Variants in INTS9 observed in about 807,000 individuals in gnomAD.
INTS9 encodes integrator complex subunit 9, also known as protein related to CPSF subunits of 74 kDa.
In INTS9, 55 loss-of-function variants were observed where a neutral mutation model predicts 79.7. The ratio of observed to expected loss-of-function variants is 0.69; its 90% CI spans 0.56 to 0.86. The LOEUF (loss-of-function observed/expected upper bound fraction) is 0.86. Among genes scored for constraint, INTS9 ranks in the 40% least tolerant of loss-of-function variants. The pLI is 0.00. For missense variants in INTS9, 721 were observed against 831.5 expected (o/e 0.87, Z 1.64); for synonymous variants, 319 against 325.2 (o/e 0.98, Z 0.20).
At chr8:28,811,949 G>A (rs1368966460) in intron 8 of INTS9, among the ~76,000 whole-genome samples, 1 of 152,198 alleles carries the variant, frequency 6.6e-6, no homozygotes, top group African/African-American at 2.4e-5. Context: ...ACGGGCACAT[G>A]CTTTGCCCGT....
In INTS9 at chr8:28,830,522, G is replaced by A. The variant is rs907844561; in HGVS notation, c.488+4770C>T. ...ATCTCTAGTCCCAGCTACTCAGCAG[G>A]TTGATACGGGAGAATCGCTTGAACC... On this transcript the variant is annotated intron_variant, in intron 6 of 16. Transcript: ENST00000521022. 4.6e-5 allele frequency among the ~76,000 whole-genome samples: 7 copies of A among 151,852 alleles called. No individual in the cohort carries two copies. The East Asian group carries it at 1.4e-3, about 29-fold the overall frequency.
At chr8:28,871,938 A>C (rs1809118211) in intron 1 of INTS9, among the ~76,000 whole-genome samples, 1 of 152,258 alleles carries the variant, frequency 6.6e-6, no homozygotes, top group Non-Finnish European at 1.5e-5. Context: ...CAAAAAGCAC[A>C]GTCAATTCAT....
chr8:28,876,111 A>T (rs1809372023), intron 1 of INTS9, among the ~76,000 whole-genome samples: 1 of 152,168 alleles, frequency 6.6e-6, no homozygotes, highest in African/African-American at 2.4e-5. Flanking sequence ...TTATTTTAAC[A>T]GATTGATTGT....
chr8:28,787,117 T>C lies in INTS9; in HGVS notation c.1098+712A>G, dbSNP rs150260823. Among the ~76,000 whole-genome samples, 8 of 152,314 alleles carry C rather than the reference T, an allele frequency of 5.3e-5. No individual in the cohort carries two copies. The East Asian group carries it at 1.2e-3, about 22-fold the overall frequency. ...TAACTATTGTCTGTTAGCTTCATTG[T>C]AGTAGAGCAATAATAACATGAGACG... is the stretch of plus-strand genomic sequence containing the variant. On this transcript the variant is annotated intron_variant, in intron 11 of 16. Transcript: ENST00000521022.
intron 6 of INTS9, among the ~76,000 whole-genome samples, chr8:28,820,629 G>A (rs560297126): frequency 6.6e-6 from 1 of 152,080 alleles, no homozygotes; most frequent in Non-Finnish European, 1.5e-5. Flanking sequence ...TGCTCTTCTC[G>A]AGGAGTAGCT....
In INTS9 at chr8:28,777,890, T is replaced by C. The variant is rs1249756992; in HGVS notation, c.1334A>G (p.Tyr445Cys). The change falls in exon 13 of 17, where the codon TAC (tyrosine) becomes TGC (cysteine). Residue 445 changes from tyrosine (Y) to cysteine (C), a missense_variant. Physicochemically the swap from Tyr to Cys is radical, Grantham distance 194. Coordinates refer to ENST00000521022, the MANE Select transcript of INTS9 (RefSeq NM_018250.4). ...PYQPLAMKCI[Y>C]CPIDTRLNFI... Reference sequence around the variant, plus strand: ...GTTCAGCCGGGTGTCGATGGGGCAGTAGATGCATTTCATGGCCAGCGGCTG... The same window carrying C: ...GTTCAGCCGGGTGTCGATGGGGCAGCAGATGCATTTCATGGCCAGCGGCTG... 1.2e-6 allele frequency: 2 copies of C among 1,612,700 alleles called. No individual in the cohort carries two copies. The highest frequency in any genetic ancestry group is 1.7e-6 in the Non-Finnish European group (2 of 1,179,384).
chr8:28,788,306 A>G (rs241186), intron 10 of INTS9, among the ~76,000 whole-genome samples: 80,427 of 151,998 alleles, frequency 0.53, 23,245 homozygotes, highest in Non-Finnish European at 0.66. Flanking sequence ...AGTTTTTCCA[A>G]TCATGTCCCT....
intron 10 of INTS9, among the ~76,000 whole-genome samples, chr8:28,792,723 A>G (rs2130949376): frequency 1.3e-5 from 2 of 152,178 alleles, no homozygotes; most frequent in Admixed American, 6.5e-5. Context: ...AGACCAGCTG[A>G]CCAGCATGGT....
chr8:28,816,795 C>G (rs1379064292), intron 6 of INTS9, among the ~76,000 whole-genome samples: 4 of 150,520 alleles, frequency 2.7e-5, no homozygotes, highest in African/African-American at 7.3e-5. Context: ...TCCTATTTCT[C>G]CACATCCTCT....
chr8:28,773,574 C>T (rs1186527451), intron 14 of INTS9, among the ~76,000 whole-genome samples: 3 of 146,398 alleles, frequency 2.0e-5, no homozygotes, highest in African/African-American at 5.1e-5. Context: ...TTTCTTGAGA[C>T]GGAGTCTCGC....
chr8:28,793,138 T>C (rs1438585414), intron 10 of INTS9, among the ~76,000 whole-genome samples: 2 of 152,178 alleles, frequency 1.3e-5, no homozygotes, highest in African/African-American at 4.8e-5. Flanking sequence ...GGCTACCTCA[T>C]GACTAAAAGG....
chr8:28,866,846 G>A (rs1327696816), intron 1 of INTS9, among the ~76,000 whole-genome samples: 4 of 152,110 alleles, frequency 2.6e-5, no homozygotes, highest in Non-Finnish European at 5.9e-5. Context: ...ATGGTGGCGG[G>A]AGCCTGTAGT....
chr8:28,798,628 A>G (rs1200432825), intron 8 of INTS9: 2 of 152,132 alleles, frequency 1.3e-5, no homozygotes, highest in Admixed American at 6.6e-5. Context: ...CCTCCTGAGT[A>G]GCTGGGATTA....
intron 3 of INTS9, among the ~76,000 whole-genome samples, chr8:28,848,502 C>G (rs544340864): frequency 6.6e-6 from 1 of 152,136 alleles, no homozygotes; most frequent in African/African-American, 2.4e-5. Flanking sequence ...ATTTAACTAG[C>G]GACAGGTGGA....
At position 28,773,395 on chromosome 8, in the gene INTS9, C is replaced by A. The variant is rs191080424; in HGVS notation, c.1564-2315G>T. Among the ~76,000 whole-genome samples the A allele has an allele frequency of 5.7e-3, 817 of 142,610 alleles. 7 individuals are homozygous for A. The highest frequency in any genetic ancestry group is 0.021 in the African/African-American group (789 of 38,054). The allele number at this position is 142,610 out of a possible 152,430, so 93.6% of individuals were successfully genotyped here. A position where few individuals can be genotyped will look rare whatever the true frequency, so the allele number is the denominator to read the frequency against. ...AGGAGAATGGCATGAAGCTGGGAGG[C>A]GGAGCTTGCAGTGAGCCAAGATCGC... On this transcript the variant is annotated intron_variant, in intron 14 of 16. Transcript: ENST00000521022.
rs1805201160 is a variant in INTS9 at position 28,812,395 on chromosome 8, T to C, written c.676A>G (p.Ile226Val). The stretch of plus-strand genomic sequence containing the variant: ...ACTTTCTCGTAATGAGACTGGATGA[T>C]CCAGTTGGAGCTCCCAAGGGCATAG... ...SGYALGSSNW[I>V]IQSHYEKVSY... Residue 226 changes from isoleucine to valine, a missense_variant, in exon 8 of 17, where the codon ATC becomes GTC. Physicochemically the swap from Ile to Val is conservative, Grantham distance 29. Around this residue, in one of 3 missense-constraint regions of INTS9, gnomAD observed 291 missense variants for 307.0 expected, o/e 0.95. Transcript: ENST00000521022. 2 of 1,613,906 alleles carry C rather than the reference T, an allele frequency of 1.2e-6. No homozygotes were observed. Among genetic ancestry groups the C allele is most frequent in the Non-Finnish European group, 1.7e-6 (2 of 1,179,946 alleles).
chr8:28,779,767 G>C (rs753718660), intron 12 of INTS9, among the ~76,000 whole-genome samples: 3 of 152,172 alleles, frequency 2.0e-5, no homozygotes, highest in Admixed American at 2.0e-4. Context: ...AACTTGGTTT[G>C]ACCACAGGCG....
chr8:28,883,215 C>T (rs1366466847), intron 1 of INTS9, among the ~76,000 whole-genome samples: 1 of 152,232 alleles, frequency 6.6e-6, no homozygotes, highest in Non-Finnish European at 1.5e-5. Context: ...CATCTTAATT[C>T]CTACATCTAT....
At chr8:28,874,515 G>C (rs772475896) in intron 1 of INTS9, among the ~76,000 whole-genome samples, 7 of 151,756 alleles carry the variant, frequency 4.6e-5, no homozygotes, top group Admixed American at 2.0e-4. Context: ...GGATGGTCTC[G>C]ATCTCCTGAC....
Sources: allele counts gnomAD v4.1 joint callset (sites outside exome capture counted in the v4.1 genomes callset), GRCh38; gene constraint gnomAD v4.1.1; regional missense constraint gnomAD v4.1.1; transcripts MANE v1.5; gene names NCBI Gene and HGNC (gene_info 2026-07-23, HGNC 2026-07-21).